The following FILIP1 variants were observed in gnomAD, a reference collection of about 807,000 sequenced individuals.
FILIP1 encodes the protein filamin-A-interacting protein 1.
FILIP1 carries 61 observed loss-of-function variants against 102.1 expected under a neutral mutation model. That is an observed-to-expected ratio of 0.60 (90% CI 0.49 to 0.74). The LOEUF (loss-of-function observed/expected upper bound fraction) is 0.74. Ranked by LOEUF, FILIP1 falls within the 30% of genes least tolerant of loss-of-function variation. FILIP1 has a pLI of 0.00. For synonymous variants in FILIP1, 491 were observed against 526.9 expected (o/e 0.93, Z 0.93); for missense variants, 1,314 against 1,441.2 (o/e 0.91, Z 1.43).
intron 2 of FILIP1, among the ~76,000 whole-genome samples, chr6:75,364,248 T>A (rs539671425): frequency 6.6e-6 from 1 of 152,268 alleles, no homozygotes; most frequent in South Asian, 2.1e-4. Flanking sequence ...CAGGAAGTAG[T>A]TTAATGGAAA....
chr6:75,459,381 A>G (rs1267762895), intron 1 of FILIP1, among the ~76,000 whole-genome samples: 2 of 152,184 alleles, frequency 1.3e-5, no homozygotes, highest in African/African-American at 4.8e-5. Flanking sequence ...AATTGCTTTA[A>G]CCACATTATC....
At chr6:75,371,578 C>G (rs915431635) in intron 2 of FILIP1, among the ~76,000 whole-genome samples, 3 of 152,164 alleles carry the variant, frequency 2.0e-5, no homozygotes, top group Admixed American at 6.5e-5. Context: ...AAACTTACTA[C>G]AAACTTACAC....
chr6:75,323,360 T>G (rs1773727702), intron 4 of FILIP1, among the ~76,000 whole-genome samples: 1 of 152,164 alleles, frequency 6.6e-6, no homozygotes, highest in South Asian at 2.1e-4. Flanking sequence ...GTATGTAAAT[T>G]ATATCTCAAT....
chr6:75,308,046 A>T (rs1171488926), downstream of FILIP1: 2 of 985,772 alleles, frequency 2.0e-6, no homozygotes, highest in Non-Finnish European at 2.4e-6. Flanking sequence ...AACTTCTACA[A>T]TACACACAGA....
At chr6:75,325,381 C>T (rs1208143811) in intron 4 of FILIP1, among the ~76,000 whole-genome samples, 1 of 152,162 alleles carries the variant, frequency 6.6e-6, no homozygotes, top group African/African-American at 2.4e-5. Context: ...GAGATTGCGC[C>T]ACTGCACTCC....
chr6:75,399,224 G>C (rs1440512469), intron 2 of FILIP1: 4 of 152,206 alleles, frequency 2.6e-5, no homozygotes, highest in African/African-American at 7.2e-5. Context: ...AGATAAAGCA[G>C]ACCTTTGAAG....
intron 4 of FILIP1, among the ~76,000 whole-genome samples, chr6:75,327,274 A>G (rs1773895115): frequency 1.3e-5 from 2 of 152,084 alleles, no homozygotes; most frequent in African/African-American, 2.4e-5. Context: ...GAATCCAGTT[A>G]CTTCTCACTT....
intron 1 of FILIP1, among the ~76,000 whole-genome samples, chr6:75,459,686 A>T (rs1778958297): frequency 6.6e-6 from 1 of 152,164 alleles, no homozygotes; most frequent in African/African-American, 2.4e-5. Context: ...TCCCTTTTAG[A>T]CACATAATTT....
intron 2 of FILIP1, among the ~76,000 whole-genome samples, chr6:75,379,686 G>A (rs948315089): frequency 1.3e-5 from 2 of 152,124 alleles, no homozygotes; most frequent in African/African-American, 4.8e-5. Context: ...CCTCCTTGTT[G>A]TGCCTCAGAC....
intron 1 of FILIP1, among the ~76,000 whole-genome samples, chr6:75,420,457 C>A (rs2808206): frequency 0.66 from 100,965 of 151,928 alleles, 34,090 homozygotes; most frequent in African/African-American, 0.77. Flanking sequence ...AAAATCCCCA[C>A]ATTGATGACT....
intron 2 of FILIP1, among the ~76,000 whole-genome samples, chr6:75,388,292 T>C (rs528312599): frequency 6.6e-6 from 1 of 152,316 alleles, no homozygotes; most frequent in African/African-American, 2.4e-5. Flanking sequence ...AGGCTTATAG[T>C]ATAGTTTGAA....
intron 6 of FILIP1, among the ~76,000 whole-genome samples, chr6:75,296,304 T>C (rs1206817269): frequency 6.6e-6 from 1 of 151,370 alleles, no homozygotes; most frequent in East Asian, 1.9e-4. Context: ...CAGCCAAATT[T>C]TCTGGTCTGA....
chr6:75,431,609 A>C (rs1294820076), intron 1 of FILIP1, among the ~76,000 whole-genome samples: 1 of 152,166 alleles, frequency 6.6e-6, no homozygotes, highest in Non-Finnish European at 1.5e-5. Flanking sequence ...ACTTGTGGCC[A>C]AGGACAGAGA....
At chr6:75,330,548 G>A (rs984306644) in intron 4 of FILIP1, among the ~76,000 whole-genome samples, 9 of 152,072 alleles carry the variant, frequency 5.9e-5, no homozygotes, top group Non-Finnish European at 1.5e-5. Flanking sequence ...AAAGAGAAGA[G>A]AAAAAATCTG....
At chr6:75,436,972 G>A (rs1452699480) in intron 1 of FILIP1, among the ~76,000 whole-genome samples, 1 of 152,178 alleles carries the variant, frequency 6.6e-6, no homozygotes, top group Non-Finnish European at 1.5e-5. Context: ...GTTCCTGCAA[G>A]CCAGTGCCAG....
At chr6:75,426,971 A>T (rs1481339718) in intron 1 of FILIP1, among the ~76,000 whole-genome samples, 1 of 152,118 alleles carries the variant, frequency 6.6e-6, no homozygotes, top group African/African-American at 2.4e-5. Flanking sequence ...TAAACTAGAT[A>T]CTGGATGTGT....
chr6:75,461,533 T>C (rs537113118), intron 1 of FILIP1, among the ~76,000 whole-genome samples: 2 of 152,342 alleles, frequency 1.3e-5, no homozygotes, highest in South Asian at 2.1e-4. Flanking sequence ...ACAAAGTCCA[T>C]TGTTCTCAAA....
chr6:75,480,680 C>G (rs1019009392), intron 1 of FILIP1, among the ~76,000 whole-genome samples: 4 of 152,254 alleles, frequency 2.6e-5, no homozygotes, highest in African/African-American at 7.2e-5. Context: ...AGTCCTACAG[C>G]AAATACTTTT....
At chr6:75,406,161 C>G (rs1428060871) in intron 2 of FILIP1, among the ~76,000 whole-genome samples, 1 of 152,186 alleles carries the variant, frequency 6.6e-6, no homozygotes, top group Non-Finnish European at 1.5e-5. Flanking sequence ...CCCCTGACTT[C>G]TACATCGCTC....
Sources: allele counts gnomAD v4.1 joint callset (sites outside exome capture counted in the v4.1 genomes callset), GRCh38; gene constraint gnomAD v4.1.1; transcripts MANE v1.5; gene names NCBI Gene and HGNC (gene_info 2026-07-23, HGNC 2026-07-21).